The following RNF207 variants were observed in gnomAD, a reference collection of about 807,000 sequenced individuals.
RNF207 encodes ring finger protein 207, also known as OTTHUMG00000001089.
Under a neutral mutation model 79.0 loss-of-function variants are expected in RNF207, and 72 were observed. That is an observed-to-expected ratio of 0.91 (90% CI 0.75 to 1.11). The LOEUF (loss-of-function observed/expected upper bound fraction) is 1.11, where lower values mean the gene tolerates loss of function less well. Among genes scored for constraint, RNF207 ranks in the 50% least tolerant of loss-of-function variants. The probability of loss-of-function intolerance (pLI) is 0.00; values close to 1 mark genes in which losing one functional copy is unlikely to be tolerated. For synonymous variants in RNF207, 348 were observed against 366.2 expected (o/e 0.95, Z 0.57); for missense variants, 936 against 855.8 (o/e 1.09, Z -1.17).
At position 6,219,205 on chromosome 1, in the gene RNF207, G is replaced by A. The variant is rs373197747; in HGVS notation, c.1734-31G>A. 6.5e-5 allele frequency: 102 copies of A among 1,575,490 alleles called. No homozygotes were observed. In the African/African-American group the frequency reaches 1.0e-3, roughly 16 times the overall value. On this transcript the variant is annotated intron_variant, in intron 17 of 17. Coordinates refer to ENST00000377939, the MANE Select transcript of RNF207 (RefSeq NM_207396.3). Reference sequence around the variant, plus strand: ...CAGGGATATGGTGAAATGGGGGAGCGGGCTGGGCTTACATGAGGCTGTCCC... The same window carrying A: ...CAGGGATATGGTGAAATGGGGGAGCAGGCTGGGCTTACATGAGGCTGTCCC...
intron 10 of RNF207, 106 bp downstream of exon 10, chr1:6,210,544 C>T: frequency 2.3e-6 from 2 of 852,108 alleles, no homozygotes; most frequent in Non-Finnish European, 3.7e-6. Context: ...GGAGCCTGGA[C>T]CAGGGATCTC....
rs1229994229 is a variant in RNF207 at position 6,208,974 on chromosome 1, C to T, written c.418C>T (p.His140Tyr). Residue 140 changes from histidine (H) to tyrosine (Y), a missense_variant, in exon 4 of 18, where the codon CAC becomes TAC. Coordinates refer to ENST00000377939, the MANE Select transcript of RNF207 (RefSeq NM_207396.3). Reference sequence around the variant, plus strand: ...GCACCGAGCACGCATGTTCGCGCGCCACGACATCGTGGCCCTGGGTCAGCG... The same window carrying T: ...GCACCGAGCACGCATGTTCGCGCGCTACGACATCGTGGCCCTGGGTCAGCG... ...ETHRARMFAR[H>Y]DIVALGQRSR... 2 of 1,537,410 alleles carry T rather than the reference C, an allele frequency of 1.3e-6. No individual in the cohort carries two copies. Among genetic ancestry groups the T allele is most frequent in the East Asian group, 2.5e-5 (1 of 40,782 alleles).
rs1260092001 is a variant in RNF207 at position 6,211,911 on chromosome 1, GC to G, written c.1158del (p.Ser387ProfsTer3). On this transcript the variant is annotated frameshift_variant, in exon 13 of 18. Transcript: ENST00000377939. LOFTEE classifies it high-confidence loss of function. The surrounding 1 kb of genome is among the most constrained non-coding windows in gnomAD (Gnocchi z 4.2). Reference protein sequence around the residue: ...LGPKALTGPHCPSPVGKMSGS... With the variant: ...LGPKALTGPHXPSPVGKMSGS... The stretch of plus-strand genomic sequence containing the variant: ...CCCAAGGCGCTGACGGGGCCCCACT[GC>G]CCCTCCCCAGTAGGAAAGATGTCGG... The G allele has an allele frequency of 1.9e-6, 3 of 1,550,498 alleles. No individual in the cohort carries two copies. The highest frequency in any genetic ancestry group is 1.7e-6 in the Non-Finnish European group (2 of 1,147,194).
At chr1:6,209,576 G>A (rs1400030934) in intron 7 of RNF207, 37 bp downstream of exon 7, 5 of 1,431,860 alleles carry the variant, frequency 3.5e-6, no homozygotes, top group East Asian at 2.6e-5. Context: ...CGACCCAGCC[G>A]GGACCTGGTG....
At position 6,211,102 on chromosome 1, in the gene RNF207, G is replaced by C; in HGVS notation, c.1093G>C (p.Ala365Pro). 1 of 1,596,866 alleles carries C rather than the reference G, an allele frequency of 6.3e-7. No individual in the cohort carries two copies. The highest frequency in any genetic ancestry group is 8.5e-7 in the Non-Finnish European group (1 of 1,176,608). Residue 365 changes from alanine to proline, a missense_variant, in exon 12 of 18, where the codon GCA (alanine) becomes CCA (proline). By Grantham distance (27) the Ala-to-Pro change is conservative. Coordinates refer to ENST00000377939, the MANE Select transcript of RNF207 (RefSeq NM_207396.3). The surrounding 1 kb of genome is among the most constrained non-coding windows in gnomAD (Gnocchi z 4.2). ...GGGGCCACGTCGGGTGGCAGCTGCT[G>C]CAAGTGGTGCTAACACGTGAGCAGC... The part of the protein sequence containing the change: ...LLGPRRVAAA[A>P]SGANTLAGGL...
At position 6,211,232 on chromosome 1, in the gene RNF207, T is replaced by G. The variant is rs1392736286; in HGVS notation, c.1109+114T>G. The stretch of plus-strand genomic sequence containing the variant: ...GAAGCCAGGTGCCACCATTCCTTCC[T>G]CCGTCCTTAGCTCGCCACCCTCCCA... On this transcript the variant is annotated intron_variant, in intron 12 of 17. Coordinates refer to ENST00000377939, the MANE Select transcript of RNF207 (RefSeq NM_207396.3). This position sits in a 1 kb window ranked among gnomAD's most constrained non-coding sequence, Gnocchi z 4.2. 2.8e-5 allele frequency: 20 copies of G among 719,690 alleles called. No homozygotes were observed. Among genetic ancestry groups the G allele is most frequent in the Admixed American group, 9.9e-5 (4 of 40,446 alleles). 44.6% of individuals were successfully genotyped at this position (719,690 alleles called of 1,614,324 possible). A position where few individuals can be genotyped will look rare whatever the true frequency, so the allele number is the denominator to read the frequency against.
At chr1:6,208,810 C>G (rs1037386856) in intron 3 of RNF207, 71 bp from the exon 4 acceptor site, 1 of 1,442,600 alleles carries the variant, frequency 6.9e-7, no homozygotes, top group East Asian at 2.6e-5. Flanking sequence ...CGCAGTGACA[C>G]GCGGCGGCTG....
Position 6,207,429 on chromosome 1 carries a change from T to C in RNF207, c.242T>C (p.Leu81Pro). The stretch of plus-strand genomic sequence containing the variant: ...AGCGGGCTCCCGCCGGTGGACCGGC[T>C]GCTGCAGTTCCTGGTGGACAGCTCA... Reference protein sequence around the residue: ...GPSGLPPVDRLLQFLVDSSGD... With the variant: ...GPSGLPPVDRPLQFLVDSSGD... The change falls in exon 3 of 18, where the codon CTG becomes CCG. Residue 81 changes from leucine to proline, a missense_variant. Transcript: ENST00000377939. This position sits in a 1 kb window ranked among gnomAD's most constrained non-coding sequence, Gnocchi z 4.5. 6.4e-7 allele frequency: 1 copy of C among 1,557,852 alleles called. No homozygotes were observed. Among genetic ancestry groups the C allele is most frequent in the South Asian group, 1.2e-5 (1 of 81,934 alleles).
intron 14 of RNF207, 79 bp downstream of exon 14, chr1:6,212,495 A>G: frequency 2.1e-6 from 3 of 1,420,010 alleles, no homozygotes; most frequent in Non-Finnish European, 2.9e-6. Flanking sequence ...AAGCGGGGAA[A>G]GAGGACCTGG....
At chr1:6,209,606 C>T (rs1277251172) in intron 7 of RNF207, 67 bp downstream of exon 7, 3 of 1,401,396 alleles carry the variant, frequency 2.1e-6, no homozygotes, top group Non-Finnish European at 2.8e-6. Context: ...TGGTCCCTTG[C>T]CCTTGTGGAT....
At chr1:6,212,075 G>T (rs182250060) in intron 13 of RNF207, 22 bp downstream of exon 13, 3 of 1,572,590 alleles carry the variant, frequency 1.9e-6, no homozygotes, top group Middle Eastern at 1.7e-4. Flanking sequence ...GGGATCTGCC[G>T]GAGGGGGGAG....
At chr1:6,218,791 C>A (rs1668450916) in intron 17 of RNF207, among the ~76,000 whole-genome samples, 1 of 152,178 alleles carries the variant, frequency 6.6e-6, no homozygotes, top group Non-Finnish European at 1.5e-5. Flanking sequence ...ACAGGCTGAT[C>A]TTTGTGTATT....
intron 17 of RNF207, among the ~76,000 whole-genome samples, chr1:6,218,652 C>T (rs148100287): frequency 2.0e-5 from 3 of 152,344 alleles, no homozygotes; most frequent in East Asian, 1.9e-4. Flanking sequence ...GGGAGCTGCA[C>T]GTGCTTATGC....
Position 6,207,768 on chromosome 1 carries a change from C to A in RNF207, c.324+257C>A. 1.5e-6 allele frequency: 1 copy of A among 662,518 alleles called. No homozygotes were observed. The highest frequency in any genetic ancestry group is 2.8e-6 in the Non-Finnish European group (1 of 359,700). The allele number at this position is 662,518 out of a possible 1,614,324, so 41.0% of individuals were successfully genotyped here. ...TTCGATCTGGGGAGAGCTCACTGGT[C>A]CCCAATTCAGGGTGGAGTTGTGGAC... On this transcript the variant is annotated intron_variant, in intron 3 of 17. Coordinates refer to ENST00000377939, the MANE Select transcript of RNF207 (RefSeq NM_207396.3). The surrounding 1 kb of genome is among the most constrained non-coding windows in gnomAD (Gnocchi z 4.5).
Position 6,210,175 on chromosome 1 carries a change from C to A in RNF207, c.801-48C>A, listed in dbSNP as rs942954535. 4 of 1,529,198 alleles carry A rather than the reference C, an allele frequency of 2.6e-6. No individual in the cohort carries two copies. In the African/African-American group the frequency reaches 5.4e-5, roughly 21 times the overall value. The allele number at this position is 1,529,198 out of a possible 1,614,324, so 94.7% of individuals were successfully genotyped here. A position where few individuals can be genotyped will look rare whatever the true frequency, so the allele number is the denominator to read the frequency against. On this transcript the variant is annotated intron_variant, in intron 8 of 17. Coordinates refer to ENST00000377939, the MANE Select transcript of RNF207 (RefSeq NM_207396.3). The stretch of plus-strand genomic sequence containing the variant: ...GAGGCGGGTGGGGGATGGAACTGCC[C>A]GGCCCTGCTCCTGGCCCCCTGGAAA...
At chr1:6,212,584 T>TG in intron 14 of RNF207, 98 bp from the exon 15 acceptor site, 1 of 1,287,816 alleles carries the variant, frequency 7.8e-7, no homozygotes, top group Non-Finnish European at 1.1e-6. Flanking sequence ...TGGACCTGGC[T>TG]GGGGGGTGCT....
chr1:6,219,828 CTTT>C lies in RNF207; in HGVS notation c.*422_*424del, dbSNP rs1431893818. 1.3e-5 allele frequency: 2 copies of C among 152,420 alleles called. No homozygotes were observed. Among genetic ancestry groups the C allele is most frequent in the Non-Finnish European group, 2.9e-5 (2 of 68,388 alleles). The allele number at this position is 152,420 out of a possible 1,614,324, so 9.4% of individuals were successfully genotyped here. ...GTTGTTTTTAAGACAGAATTTCACT[CTTT>C]GTTGCCCAGGCTGGAGTGCAATGGC... On this transcript the variant is annotated 3_prime_UTR_variant, in exon 18 of 18. Transcript: ENST00000377939.
intron 4 of RNF207, 40 bp downstream of exon 4, chr1:6,209,065 G>GGGGGGCCC: frequency 2.4e-6 from 2 of 828,582 alleles, no homozygotes; most frequent in Non-Finnish European, 3.9e-6. Context: ...GGGGGTGGGG[G>GGGGGGCCC]CGGGGCGGGC....
intron 16 of RNF207, 92 bp from the exon 17 acceptor site, chr1:6,218,197 G>A: frequency 1.2e-6 from 1 of 814,732 alleles, no homozygotes; most frequent in Non-Finnish European, 2.1e-6. Flanking sequence ...TGCATGAGTG[G>A]TGGCAGAGTC....
Sources: allele counts gnomAD v4.1 joint callset (sites outside exome capture counted in the v4.1 genomes callset), GRCh38; gene constraint gnomAD v4.1.1; non-coding constraint Gnocchi (gnomAD v3.1); transcripts MANE v1.5; gene names NCBI Gene and HGNC (gene_info 2026-07-23, HGNC 2026-07-21).